The following ENTREP2 variants were observed in gnomAD, a reference collection of about 807,000 sequenced individuals.
The protein encoded by ENTREP2 is endosomal transmembrane epsin interactor 2.
chr15:29,153,055 T>G, the ENTREP2 span, among the ~76,000 whole-genome samples: 1 of 152,248 alleles, frequency 6.6e-6, no homozygotes, highest in South Asian at 2.1e-4. Context: ...TCGAACATCT[T>G]TTCATGTGCT....
chr15:29,473,834 C>T, the ENTREP2 span, among the ~76,000 whole-genome samples: 1 of 152,202 alleles, frequency 6.6e-6, no homozygotes, highest in Admixed American at 6.5e-5. Flanking sequence ...GGGCTGAATG[C>T]TGCTGCTCTA....
chr15:29,391,228 C>G, the ENTREP2 span, among the ~76,000 whole-genome samples: 1 of 151,876 alleles, frequency 6.6e-6, no homozygotes, highest in East Asian at 1.9e-4. Flanking sequence ...TGCTTTCTGC[C>G]CCCTCTCCTT....
the ENTREP2 span, among the ~76,000 whole-genome samples, chr15:29,407,040 C>A: frequency 1.3e-5 from 2 of 152,198 alleles, no homozygotes; most frequent in Non-Finnish European, 2.9e-5. Flanking sequence ...TACACAGTCA[C>A]ACATGATTTA....
the ENTREP2 span, among the ~76,000 whole-genome samples, chr15:29,138,303 G>A: frequency 1.3e-5 from 2 of 152,122 alleles, no homozygotes; most frequent in African/African-American, 2.4e-5. Flanking sequence ...TTCCGTTTCT[G>A]AAGGACTAAC....
the ENTREP2 span, among the ~76,000 whole-genome samples, chr15:29,626,173 T>A: frequency 6.6e-6 from 1 of 152,196 alleles, no homozygotes; most frequent in Non-Finnish European, 1.5e-5. Flanking sequence ...TCTGTGTTGA[T>A]CTTGTATCTT....
At chr15:29,161,664 T>C in the ENTREP2 span, among the ~76,000 whole-genome samples, 2 of 152,234 alleles carry the variant, frequency 1.3e-5, no homozygotes, top group Non-Finnish European at 2.9e-5. Flanking sequence ...GGTTGCTAAA[T>C]ATTTGAAATT....
At chr15:29,297,738 G>A in the ENTREP2 span, among the ~76,000 whole-genome samples, 2 of 152,124 alleles carry the variant, frequency 1.3e-5, no homozygotes, top group Admixed American at 6.6e-5. Context: ...ACAGAACACA[G>A]GAACATTTTG....
the ENTREP2 span, among the ~76,000 whole-genome samples, chr15:29,191,794 G>A: frequency 6.6e-6 from 1 of 152,170 alleles, no homozygotes; most frequent in Admixed American, 6.5e-5. Flanking sequence ...TATGCCTACA[G>A]TCCCAGCTAC....
the ENTREP2 span, among the ~76,000 whole-genome samples, chr15:29,237,156 T>C: frequency 2.6e-4 from 40 of 152,214 alleles, no homozygotes; most frequent in Non-Finnish European, 4.1e-4. Context: ...AAGAAGCTTT[T>C]GACAAAATGA....
chr15:29,125,278 G>A, the ENTREP2 span, among the ~76,000 whole-genome samples: 2 of 152,216 alleles, frequency 1.3e-5, no homozygotes, highest in Non-Finnish European at 2.9e-5. Context: ...GAGAGGTTCC[G>A]GAGCTCAAGA....
chr15:29,278,888 T>C, the ENTREP2 span, among the ~76,000 whole-genome samples: 4 of 152,350 alleles, frequency 2.6e-5, no homozygotes, highest in African/African-American at 7.2e-5. Context: ...CTCACAGTTC[T>C]GGAGGCTCCA....
chr15:29,307,736 A>G, the ENTREP2 span, among the ~76,000 whole-genome samples: 6 of 152,138 alleles, frequency 3.9e-5, no homozygotes, highest in Non-Finnish European at 8.8e-5. Context: ...CTCTCTCTCT[A>G]CCTGCACACA....
At chr15:29,174,610 A>T in the ENTREP2 span, among the ~76,000 whole-genome samples, 6 of 151,830 alleles carry the variant, frequency 4.0e-5, no homozygotes, top group Non-Finnish European at 7.4e-5. Context: ...AATGGCCTGA[A>T]CCTGGGAGGC....
the ENTREP2 span, among the ~76,000 whole-genome samples, chr15:29,386,757 G>A: frequency 1.3e-5 from 2 of 152,156 alleles, no homozygotes; most frequent in South Asian, 2.1e-4. Flanking sequence ...GAGCTCTCAC[G>A]CTCTCCGCAC....
the ENTREP2 span, among the ~76,000 whole-genome samples, chr15:29,588,625 GA>G: frequency 6.6e-6 from 1 of 151,652 alleles, no homozygotes; most frequent in Non-Finnish European, 1.5e-5. Context: ...CAGAAAGACA[GA>G]AGGAAGGAAG....
chr15:29,657,172 T>C, the ENTREP2 span, among the ~76,000 whole-genome samples: 2 of 151,796 alleles, frequency 1.3e-5, no homozygotes, highest in Non-Finnish European at 2.9e-5. Flanking sequence ...CTCCTCCTCC[T>C]GAGCAGCTGG....
At chr15:29,231,938 C>T in the ENTREP2 span, among the ~76,000 whole-genome samples, 8 of 145,834 alleles carry the variant, frequency 5.5e-5, no homozygotes, top group East Asian at 6.3e-4. Context: ...CTGCCCAGGC[C>T]GGAGTGAGTG....
chr15:29,420,713 G>A, the ENTREP2 span, among the ~76,000 whole-genome samples: 2 of 152,078 alleles, frequency 1.3e-5, no homozygotes, highest in Non-Finnish European at 2.9e-5. Context: ...TTGGGAAGGA[G>A]GGCTAAGATA....
chr15:29,590,243 C>T, the ENTREP2 span, among the ~76,000 whole-genome samples: 1 of 152,084 alleles, frequency 6.6e-6, no homozygotes, highest in African/African-American at 2.4e-5. Flanking sequence ...GGTTCAGCGA[C>T]CACCTTAGGG....
Sources: allele counts gnomAD v4.1 joint callset (sites outside exome capture counted in the v4.1 genomes callset), GRCh38; gene constraint gnomAD v4.1.1; transcripts MANE v1.5; gene names NCBI Gene and HGNC (gene_info 2026-07-23, HGNC 2026-07-21).